The following NRG1 variants were observed in gnomAD, a reference collection of about 807,000 sequenced individuals.
NRG1 encodes neuregulin 1, also known as pro-neuregulin-1, membrane-bound isoform.
NRG1 carries 18 observed loss-of-function variants against 63.8 expected under a neutral mutation model. That is an observed-to-expected ratio of 0.28 (90% CI 0.19 to 0.42). The LOEUF (loss-of-function observed/expected upper bound fraction) is 0.42, where lower values mean the gene tolerates loss of function less well. NRG1 is among the 10% of genes least tolerant of loss of function. The pLI, the probability that NRG1 is intolerant of heterozygous loss-of-function variation, is 1.00. For missense variants in NRG1, 762 were observed against 814.7 expected, an observed-to-expected ratio of 0.94 and a Z score of 0.79; for synonymous variants, 302 against 301.3, an observed-to-expected ratio of 1.00 and a Z score of -0.02.
intron 1 of NRG1, among the ~76,000 whole-genome samples, chr8:32,439,364 A>G (rs551134663): frequency 2.6e-5 from 4 of 152,366 alleles, no homozygotes; most frequent in African/African-American, 9.6e-5. Context: ...GATTACATCT[A>G]AATTTTTATT....
intron 1 of NRG1, among the ~76,000 whole-genome samples, chr8:32,561,424 A>C (rs1396430903): frequency 2.0e-5 from 3 of 152,248 alleles, no homozygotes; most frequent in Admixed American, 2.0e-4. Context: ...TGACCATAAA[A>C]TAAGTAGTCC....
chr8:31,772,483 A>G (rs1818719358), intron 1 of NRG1, among the ~76,000 whole-genome samples: 1 of 152,192 alleles, frequency 6.6e-6, no homozygotes, highest in African/African-American at 2.4e-5. Context: ...TTTCTCAACA[A>G]TCCTTCCATC....
At chr8:32,390,880 T>C (rs1351230781) in intron 1 of NRG1, among the ~76,000 whole-genome samples, 1 of 151,560 alleles carries the variant, frequency 6.6e-6, no homozygotes, top group Non-Finnish European at 1.5e-5. Context: ...ATTAAGAAAA[T>C]TAAAAAAAAA....
At chr8:31,691,421 C>A (rs1809493790) in intron 1 of NRG1, among the ~76,000 whole-genome samples, 1 of 151,592 alleles carries the variant, frequency 6.6e-6, no homozygotes, top group Non-Finnish European at 1.5e-5. Context: ...CGGTGAAACC[C>A]CGTCTCTACT....
chr8:32,003,281 A>C (rs1234641755), intron 1 of NRG1, among the ~76,000 whole-genome samples: 2 of 152,108 alleles, frequency 1.3e-5, no homozygotes, highest in Admixed American at 1.3e-4. Flanking sequence ...GCGGGAAATC[A>C]GTAAGGATAT....
intron 1 of NRG1, among the ~76,000 whole-genome samples, chr8:32,432,241 T>C (rs1298360970): frequency 6.6e-6 from 1 of 152,172 alleles, no homozygotes; most frequent in Non-Finnish European, 1.5e-5. Context: ...AAAAGGATAG[T>C]CACAAAAATA....
chr8:31,723,801 C>T (rs1813155645), intron 1 of NRG1, among the ~76,000 whole-genome samples: 1 of 152,070 alleles, frequency 6.6e-6, no homozygotes, highest in Non-Finnish European at 1.5e-5. Flanking sequence ...GAAAGTGAGA[C>T]CTACTTGGAT....
At chr8:32,303,183 C>CAAAAAAAAAAAAAAA (rs1563291349) in intron 1 of NRG1, among the ~76,000 whole-genome samples, 7 of 59,708 alleles carry the variant, frequency 1.2e-4, no homozygotes, top group African/African-American at 1.5e-4. Context: ...AACTCAGTCT[C>CAAAAAAAAAAAAAAA]CAAAAAAAAA....
chr8:31,648,142 T>C (rs1396900605), intron 1 of NRG1, among the ~76,000 whole-genome samples: 16 of 136,492 alleles, frequency 1.2e-4, no homozygotes, highest in African/African-American at 4.0e-4. Context: ...TTTTTTTTTT[T>C]TTTTTTTTTG....
intron 1 of NRG1, among the ~76,000 whole-genome samples, chr8:32,296,116 T>C (rs1487330704): frequency 6.6e-6 from 1 of 152,074 alleles, no homozygotes; most frequent in Non-Finnish European, 1.5e-5. Flanking sequence ...ATTAAGGAGC[T>C]CCTGGACAAA....
chr8:32,377,565 C>A (rs1156359465), intron 1 of NRG1, among the ~76,000 whole-genome samples: 2 of 152,112 alleles, frequency 1.3e-5, no homozygotes, highest in African/African-American at 4.8e-5. Flanking sequence ...GAGTCATGAA[C>A]CAAAACAGTT....
intron 5 of NRG1, among the ~76,000 whole-genome samples, chr8:32,621,834 T>G (rs1020816539): frequency 1.4e-4 from 21 of 152,156 alleles, no homozygotes; most frequent in African/African-American, 4.8e-4. Flanking sequence ...ACAGCAGCAT[T>G]TAACCCCAGA....
chr8:32,156,208 T>C (rs1838045303), intron 1 of NRG1, among the ~76,000 whole-genome samples: 1 of 152,190 alleles, frequency 6.6e-6, no homozygotes, highest in African/African-American at 2.4e-5. Context: ...GGTTTGGCAG[T>C]TCCCCGGGGT....
At chr8:32,264,304 A>C (rs887484519) in intron 1 of NRG1, among the ~76,000 whole-genome samples, 2 of 152,172 alleles carry the variant, frequency 1.3e-5, no homozygotes, top group Non-Finnish European at 2.9e-5. Context: ...TATAAATGTA[A>C]AGAGTTAATA....
intron 5 of NRG1, among the ~76,000 whole-genome samples, chr8:32,687,902 G>A (rs1490397534): frequency 6.6e-6 from 1 of 152,138 alleles, no homozygotes; most frequent in East Asian, 1.9e-4. Context: ...AGAGGCCAAG[G>A]TGGGAAGACT....
intron 1 of NRG1, among the ~76,000 whole-genome samples, chr8:32,315,665 C>G (rs995879929): frequency 6.6e-6 from 1 of 152,102 alleles, no homozygotes. Flanking sequence ...GAATCTGATA[C>G]CTAACATGGA....
At chr8:32,260,921 T>C (rs556035894) in intron 1 of NRG1, among the ~76,000 whole-genome samples, 20 of 152,324 alleles carry the variant, frequency 1.3e-4, no homozygotes, top group African/African-American at 4.6e-4. Context: ...TTACTTACAG[T>C]TTAAGTTATG....
chr8:31,662,119 A>G (rs62506876), intron 1 of NRG1, among the ~76,000 whole-genome samples: 33,974 of 152,186 alleles, frequency 0.22, 4,188 homozygotes, highest in Non-Finnish European at 0.26. Context: ...ATTATAGAAC[A>G]TGGTCTGGCA....
chr8:32,092,387 T>A (rs944023141), intron 1 of NRG1, among the ~76,000 whole-genome samples: 2 of 147,702 alleles, frequency 1.4e-5, no homozygotes, highest in African/African-American at 2.5e-5. Context: ...AGCCCAAGAG[T>A]TTAAGGCTGC....
Sources: allele counts gnomAD v4.1 joint callset (sites outside exome capture counted in the v4.1 genomes callset), GRCh38; gene constraint gnomAD v4.1.1; transcripts MANE v1.5; gene names NCBI Gene and HGNC (gene_info 2026-07-23, HGNC 2026-07-21).